The following RAP1A variants were observed in gnomAD, a reference collection of about 807,000 sequenced individuals.
The protein encoded by RAP1A is RAP1A, member of RAS oncogene family.
RAP1A carries 6 observed loss-of-function variants against 26.4 expected under a neutral mutation model. That is an observed-to-expected ratio of 0.23 (90% confidence interval 0.12 to 0.45). The LOEUF (loss-of-function observed/expected upper bound fraction) is 0.45, where lower values mean the gene tolerates loss of function less well. Ranked by LOEUF, RAP1A falls within the 20% of genes least tolerant of loss-of-function variation. RAP1A has a pLI of 0.99. For synonymous variants in RAP1A, 73 were observed against 79.4 expected, an observed-to-expected ratio of 0.92 and a Z score of 0.43; for missense variants, 121 against 217.2, an observed-to-expected ratio of 0.56 and a Z score of 2.78.
At chr1:111,653,209 C>T (rs1314532754) in intron 1 of RAP1A, among the ~76,000 whole-genome samples, 1 of 152,074 alleles carries the variant, frequency 6.6e-6, no homozygotes. Context: ...AAAAGCAAAT[C>T]TTTAGAGACA....
rs887389716 is a variant in RAP1A, at chr1:111,713,381, T to C, written c.*980T>C. ...TCTTGATCTTAAAGATTGTATCTTA[T>C]TGAATATCCCACTGTATATTATTTT... On this transcript the variant is annotated 3_prime_UTR_variant, in exon 8 of 8. Coordinates refer to ENST00000369709, the MANE Select transcript of RAP1A (RefSeq NM_002884.4). 7 of 152,196 alleles carry C rather than the reference T, an allele frequency of 4.6e-5. No individual in the cohort carries two copies. Among genetic ancestry groups the C allele is most frequent in the Non-Finnish European group, 8.8e-5 (6 of 68,008 alleles). 9.4% of individuals were successfully genotyped at this position (152,196 alleles called of 1,614,324 possible). A position where few individuals can be genotyped will look rare whatever the true frequency, so the allele number is the denominator to read the frequency against.
Position 111,712,808 on chromosome 1 carries a change from C to T in RAP1A, c.*407C>T, listed in dbSNP as rs933142397. ...AAAGTTGAACCATTATACTTTATAT[C>T]TGTAATGATACTGATTATGAAATGT... On this transcript the variant is annotated 3_prime_UTR_variant, in exon 8 of 8. Transcript: ENST00000369709. 5 of 152,474 alleles carry T rather than the reference C, an allele frequency of 3.3e-5. No individual in the cohort carries two copies. The highest frequency in any genetic ancestry group is 1.2e-4 in the African/African-American group (5 of 41,444). 9.4% of individuals were successfully genotyped at this position (152,474 alleles called of 1,614,324 possible).
chr1:111,548,259 G>T (rs1038790460), intron 1 of RAP1A, among the ~76,000 whole-genome samples: 1 of 152,166 alleles, frequency 6.6e-6, no homozygotes, highest in Non-Finnish European at 1.5e-5. Context: ...GGCCTCAAGC[G>T]ACCCACCCAC....
chr1:111,669,704 C>G (rs1455996548), intron 1 of RAP1A, among the ~76,000 whole-genome samples: 1 of 152,128 alleles, frequency 6.6e-6, no homozygotes, highest in East Asian at 1.9e-4. Context: ...AGTTGTCTAA[C>G]CAGAATTTCA....
At chr1:111,638,084 T>C (rs891264046) in intron 1 of RAP1A, among the ~76,000 whole-genome samples, 5 of 151,774 alleles carry the variant, frequency 3.3e-5, no homozygotes, top group African/African-American at 1.2e-4. Flanking sequence ...ATATAAAACC[T>C]ACATATAAAT....
At chr1:111,712,142 G>T (rs115714084) in intron 7 of RAP1A, among the ~76,000 whole-genome samples, 1 of 152,130 alleles carries the variant, frequency 6.6e-6, no homozygotes, top group Non-Finnish European at 1.5e-5. Flanking sequence ...ATTGTCAGAT[G>T]TAATGGGAAA....
chr1:111,608,309 C>A (rs1571495350), intron 1 of RAP1A: 1 of 159,282 alleles, frequency 6.3e-6, no homozygotes, highest in Non-Finnish European at 1.4e-5. Context: ...GATGGGCGGC[C>A]GGGCAGAGAC....
intron 1 of RAP1A, among the ~76,000 whole-genome samples, chr1:111,591,972 C>T (rs549846112): frequency 3.3e-5 from 5 of 152,306 alleles, no homozygotes; most frequent in African/African-American, 1.2e-4. Context: ...TGGATTTGCA[C>T]ATCAGAGGTC....
At chr1:111,648,942 A>T in intron 1 of RAP1A, 1 of 694,016 alleles carries the variant, frequency 1.4e-6, no homozygotes, top group Admixed American at 1.8e-5. Context: ...GTTCTTCTTC[A>T]TGAAGAACAG....
At chr1:111,651,937 C>CT (rs149830306) in intron 1 of RAP1A, among the ~76,000 whole-genome samples, 11,308 of 145,624 alleles carry the variant, frequency 0.078, 958 homozygotes, top group African/African-American at 0.22. Flanking sequence ...TTTTAATTGA[C>CT]TTTTTTTTTT....
At chr1:111,667,944 G>A (rs1219453045) in intron 1 of RAP1A, among the ~76,000 whole-genome samples, 1 of 152,144 alleles carries the variant, frequency 6.6e-6, no homozygotes, top group Non-Finnish European at 1.5e-5. Context: ...AGACATAGAG[G>A]ATAGGAGACT....
chr1:111,615,745 C>T (rs907802828), upstream of RAP1A, among the ~76,000 whole-genome samples: 1 of 150,086 alleles, frequency 6.7e-6, no homozygotes, highest in Non-Finnish European at 1.5e-5. Flanking sequence ...GCAGGAGAAT[C>T]GCTTGAACCT....
chr1:111,703,505 T>C (rs768508537), intron 5 of RAP1A, 29 bp downstream of exon 5: 1 of 1,524,714 alleles, frequency 6.6e-7, no homozygotes, highest in South Asian at 1.3e-5. Flanking sequence ...TGTAAGATGT[T>C]ATGCCATCTC....
At chr1:111,697,611 A>G in intron 4 of RAP1A, 114 bp downstream of exon 4, 1 of 1,522,644 alleles carries the variant, frequency 6.6e-7, no homozygotes, top group South Asian at 1.3e-5. Flanking sequence ...CTGATTAAGA[A>G]GAAATTCTCT....
intron 1 of RAP1A, among the ~76,000 whole-genome samples, chr1:111,625,008 G>T (rs1659348742): frequency 1.3e-5 from 2 of 152,034 alleles, no homozygotes. Flanking sequence ...CTGGTAGAGT[G>T]GTTCAAAGTG....
chr1:111,567,922 TA>T (rs1163077422), intron 1 of RAP1A, among the ~76,000 whole-genome samples: 1 of 152,212 alleles, frequency 6.6e-6, no homozygotes, highest in Non-Finnish European at 1.5e-5. Context: ...CAGTCTGTGG[TA>T]CTTTGTTGTG....
In RAP1A at chr1:111,697,102, T is replaced by C. The variant is rs17028252; in HGVS notation, c.127-339T>C. On this transcript the variant is annotated intron_variant, in intron 3 of 7. Coordinates refer to ENST00000369709, the MANE Select transcript of RAP1A (RefSeq NM_002884.4). ...TTTGGAGATAATATAAATACACATA[T>C]GTACTTTTTTTTCTGTTAGAACTAT... Among the ~76,000 whole-genome samples the C allele has an allele frequency of 1.1e-4, 17 of 152,310 alleles. No individual in the cohort carries two copies. In the East Asian group the frequency reaches 1.2e-3, roughly 10 times the overall value.
intron 1 of RAP1A, among the ~76,000 whole-genome samples, chr1:111,679,325 G>A (rs1281913776): frequency 1.3e-5 from 2 of 152,142 alleles, no homozygotes; most frequent in East Asian, 3.9e-4. Context: ...GAAGCCGTGA[G>A]GGACTGTGCC....
At chr1:111,593,790 A>C (rs1207134029) in intron 1 of RAP1A, among the ~76,000 whole-genome samples, 1 of 150,978 alleles carries the variant, frequency 6.6e-6, no homozygotes, top group African/African-American at 2.4e-5. Flanking sequence ...TTAATCTGTC[A>C]CAAAAAAAAC....
Sources: gnomAD v4.1 joint callset for allele counts (sites outside exome capture counted in the v4.1 genomes callset) on GRCh38, gnomAD v4.1.1 for gene constraint, MANE v1.5 for transcripts, NCBI Gene and HGNC (gene_info 2026-07-23, HGNC 2026-07-21) for gene names.